TIAM2: variants seen among roughly 807,000 people sequenced by gnomAD.
The protein encoded by TIAM2 is rho guanine nucleotide exchange factor TIAM2.
In TIAM2, 80 loss-of-function variants were observed where a neutral mutation model predicts 152.9. The ratio of observed to expected loss-of-function variants is 0.52; its 90% CI spans 0.44 to 0.63. The LOEUF is 0.63. Ranked by LOEUF, TIAM2 falls within the 30% of genes least tolerant of loss-of-function variation. TIAM2 has a pLI of 0.00. For synonymous variants in TIAM2, 804 were observed against 838.0 expected (o/e 0.96, Z 0.70); for missense variants, 1,965 against 2,120.1 (o/e 0.93, Z 1.44).
At chr6:155,062,917 C>T (rs1034875410) in intron 1 of TIAM2, among the ~76,000 whole-genome samples, 5 of 152,126 alleles carry the variant, frequency 3.3e-5, no homozygotes, top group African/African-American at 1.2e-4. Context: ...TGACTAATGA[C>T]ATTGAGCACC....
At chr6:155,190,717 T>C (rs919466308) in intron 14 of TIAM2, among the ~76,000 whole-genome samples, 1 of 152,128 alleles carries the variant, frequency 6.6e-6, no homozygotes, top group Non-Finnish European at 1.5e-5. Context: ...CATTTGAGAG[T>C]TTGGGATGCC....
At chr6:155,249,722 T>C (rs1231092402) in intron 20 of TIAM2, 129 bp from the exon 21 acceptor site, 2 of 664,518 alleles carry the variant, frequency 3.0e-6, no homozygotes, top group African/African-American at 3.6e-5. Flanking sequence ...TTATTCTGAA[T>C]GTAATGCTCC....
At chr6:155,064,881 T>TTTCTCCCCCTCTA (rs112843638) in intron 1 of TIAM2, among the ~76,000 whole-genome samples, 60,821 of 151,454 alleles carry the variant, frequency 0.4, 12,429 homozygotes, top group Middle Eastern at 0.48. Flanking sequence ...TTTCCCTTCC[T>TTTCTCCCCCTCTA]TTCTCCCCTC....
Position 155,114,036 on chromosome 6 carries a change from ATTTTTTTTTTTTTCTTT to A in TIAM2, c.-117-13440_-117-13424del, listed in dbSNP as rs1320695380. Among the ~76,000 whole-genome samples the A allele has an allele frequency of 2.0e-4, 7 of 34,906 alleles. 1 individual carries two copies. In the Admixed American group the frequency reaches 2.6e-3, roughly 13 times the overall value. 22.9% of individuals were successfully genotyped at this position (34,906 alleles called of 152,430 possible). On this transcript the variant is annotated intron_variant, in intron 2 of 26. Coordinates refer to ENST00000682666, the MANE Select transcript of TIAM2 (RefSeq NM_012454.4). ...ACTTTATATATATATATATATATAT[ATTTTTTTTTTTTTCTTT>A]TTTTTTTTTTTTTTTTTTGAAATGG...
intron 7 of TIAM2, among the ~76,000 whole-genome samples, chr6:155,150,243 C>T (rs973038443): frequency 2.0e-5 from 3 of 152,240 alleles, no homozygotes; most frequent in African/African-American, 7.2e-5. Flanking sequence ...AAAATATGGA[C>T]CCCGTTTCTA....
chr6:155,137,032 A>T, intron 4 of TIAM2, 145 bp from the exon 5 acceptor site: 1 of 846,956 alleles, frequency 1.2e-6, no homozygotes, highest in Non-Finnish European at 1.8e-6. Context: ...TGAAGACTTG[A>T]TGGTTAAAGA....
intron 15 of TIAM2, among the ~76,000 whole-genome samples, chr6:155,221,850 C>T (rs1188119315): frequency 6.6e-6 from 1 of 152,114 alleles, no homozygotes; most frequent in East Asian, 1.9e-4. Flanking sequence ...TATAATTTTG[C>T]TTTCTGTGGG....
chr6:155,136,147 T>A (rs796283744), intron 4 of TIAM2, among the ~76,000 whole-genome samples: 21 of 148,588 alleles, frequency 1.4e-4, no homozygotes, highest in African/African-American at 5.0e-4. Context: ...TGAGCCAAGA[T>A]TGCGCCATTG....
chr6:155,238,934 T>G (rs1016699211), intron 15 of TIAM2, among the ~76,000 whole-genome samples: 8 of 152,192 alleles, frequency 5.3e-5, no homozygotes, highest in African/African-American at 1.9e-4. Flanking sequence ...ATTGTATATT[T>G]CCATCATATG....
chr6:155,181,982 G>A (rs7770051), intron 12 of TIAM2, among the ~76,000 whole-genome samples: 93,406 of 152,108 alleles, frequency 0.61, 28,812 homozygotes, highest in Non-Finnish European at 0.64. Context: ...GCTGTTATGC[G>A]TGTGGGTGCA....
chr6:155,074,117 T>A (rs1777902746), intron 1 of TIAM2, among the ~76,000 whole-genome samples: 1 of 152,188 alleles, frequency 6.6e-6, no homozygotes, highest in Non-Finnish European at 1.5e-5. Context: ...AATCATGCAC[T>A]GTCATGCCTC....
At chr6:155,016,882 AGAGC>A (rs1778599274) in intron 1 of TIAM2, among the ~76,000 whole-genome samples, 1 of 152,372 alleles carries the variant, frequency 6.6e-6, no homozygotes, top group Middle Eastern at 3.4e-3. Context: ...CCTGGGTGAT[AGAGC>A]GAGACTCCAT....
chr6:155,125,349 T>C (rs1779267219), intron 2 of TIAM2, among the ~76,000 whole-genome samples: 1 of 152,104 alleles, frequency 6.6e-6, no homozygotes, highest in African/African-American at 2.4e-5. Flanking sequence ...GATGGCTCAA[T>C]ATCACTTATC....
chr6:155,217,944 G>GTT (rs201175224), intron 15 of TIAM2, among the ~76,000 whole-genome samples: 1 of 151,468 alleles, frequency 6.6e-6, no homozygotes, highest in East Asian at 1.9e-4. Flanking sequence ...AACCTTTTGA[G>GTT]TTTTTTTTTG....
Position 154,995,524 on chromosome 6 carries a change from G to A in TIAM2, c.-209+32G>A, listed in dbSNP as rs1164622587. 6.6e-6 allele frequency: 1 copy of A among 150,748 alleles called. No homozygotes were observed. Among genetic ancestry groups the A allele is most frequent in the Non-Finnish European group, 1.5e-5 (1 of 67,624 alleles). The allele number at this position is 150,748 out of a possible 1,614,324, so 9.3% of individuals were successfully genotyped here. On this transcript the variant is annotated intron_variant, in intron 1 of 26. Transcript: ENST00000682666. This position sits in a 1 kb window ranked among gnomAD's most constrained non-coding sequence, Gnocchi z 5.2. ...GGCGCCCGGGTGAGGGCGCAGGAGG[G>A]CGACGACCCGCGCTGGTTGGCGGCG...
intron 14 of TIAM2, among the ~76,000 whole-genome samples, chr6:155,187,301 A>G (rs1781062905): frequency 6.6e-6 from 1 of 152,120 alleles, no homozygotes; most frequent in African/African-American, 2.4e-5. Flanking sequence ...TCTTTTACTG[A>G]AAGAAGTGTT....
chr6:155,152,641 T>G (rs946248356), intron 7 of TIAM2, among the ~76,000 whole-genome samples: 7 of 152,130 alleles, frequency 4.6e-5, no homozygotes, highest in African/African-American at 1.7e-4. Flanking sequence ...TCCGAGTGTC[T>G]CAGAGTGTTC....
intron 1 of TIAM2, among the ~76,000 whole-genome samples, chr6:155,007,424 G>A (rs1459705500): frequency 1.4e-4 from 21 of 147,588 alleles, no homozygotes; most frequent in African/African-American, 5.0e-4. Flanking sequence ...TCGCTCTGTC[G>A]CCCAGGCTGG....
chr6:155,043,999 ATGGT>A (rs1777104950), intron 1 of TIAM2, among the ~76,000 whole-genome samples: 1 of 152,180 alleles, frequency 6.6e-6, no homozygotes, highest in African/African-American at 2.4e-5. Context: ...AGAAAATCAG[ATGGT>A]TGTAATACGA....
Sources: gnomAD v4.1 joint callset for allele counts (sites outside exome capture counted in the v4.1 genomes callset) on GRCh38, gnomAD v4.1.1 for gene constraint, Gnocchi (gnomAD v3.1) non-coding constraint, MANE v1.5 for transcripts, NCBI Gene and HGNC (gene_info 2026-07-23, HGNC 2026-07-21) for gene names.